Variants in IL1RL2 observed in about 807,000 individuals in gnomAD.
IL1RL2 encodes interleukin 1 receptor like 2.
In IL1RL2, 68 loss-of-function variants were observed where a neutral mutation model predicts 66.8. The observed-to-expected ratio is 1.02, with a 90% CI of 0.84 to 1.25. IL1RL2 has a LOEUF of 1.25. Among genes scored for constraint, IL1RL2 ranks in the 50% most tolerant of loss-of-function variants. The pLI is 0.00. For missense variants in IL1RL2, 729 were observed against 709.3 expected, an observed-to-expected ratio of 1.03 and a Z score of -0.32; for synonymous variants, 305 against 264.6, an observed-to-expected ratio of 1.15 and a Z score of -1.48.
At chr2:102,241,468 G>A (rs1446756906), downstream of IL1RL2, among the ~76,000 whole-genome samples, 3 of 152,284 alleles carry the variant, frequency 2.0e-5, no homozygotes, top group South Asian at 2.1e-4. Flanking sequence ...TGTAAAAAAG[G>A]GATAATACAA....
rs370981707 is a variant in IL1RL2, at chr2:102,239,527, T to C, written c.*286T>C. 21 of 363,332 alleles carry C rather than the reference T, an allele frequency of 5.8e-5. No individual in the cohort carries two copies. The East Asian group carries it at 6.4e-4, about 11-fold the overall frequency. The allele number at this position is 363,332 out of a possible 1,614,324, so 22.5% of individuals were successfully genotyped here. A position where few individuals can be genotyped will look rare whatever the true frequency, so the allele number is the denominator to read the frequency against. Reference sequence around the variant, plus strand: ...GGTCGGGGGAGGCATCCCCAAGTCATGGTGGGTGAGAGCTCGGAGCATCCC... The same window carrying C: ...GGTCGGGGGAGGCATCCCCAAGTCACGGTGGGTGAGAGCTCGGAGCATCCC... On this transcript the variant is annotated 3_prime_UTR_variant, in exon 12 of 12. Coordinates refer to ENST00000264257, the MANE Select transcript of IL1RL2 (RefSeq NM_003854.4).
chr2:102,241,808 G>A (rs111960769), downstream of IL1RL2, among the ~76,000 whole-genome samples: 4 of 152,336 alleles, frequency 2.6e-5, 1 homozygote, highest in African/African-American at 9.6e-5. Context: ...CACCGGCTGG[G>A]TATTTCACGA....
intron 6 of IL1RL2, among the ~76,000 whole-genome samples, chr2:102,217,950 G>T (rs1408829020): frequency 1.3e-5 from 2 of 152,072 alleles, no homozygotes; most frequent in African/African-American, 4.8e-5. Flanking sequence ...AAACCAAAAA[G>T]CTTCTGAACA....
chr2:102,230,267 A>T (rs34039429), intron 9 of IL1RL2, among the ~76,000 whole-genome samples: 1 of 152,208 alleles, frequency 6.6e-6, no homozygotes. Flanking sequence ...CCCATTTTCT[A>T]TCTATGGAAA....
intron 4 of IL1RL2, among the ~76,000 whole-genome samples, chr2:102,194,164 C>A (rs546735059): frequency 6.6e-6 from 1 of 152,258 alleles, no homozygotes; most frequent in South Asian, 2.1e-4. Flanking sequence ...AACCACTTCC[C>A]TGATTTATGC....
chr2:102,207,138 G>T (rs1414519088), intron 5 of IL1RL2, among the ~76,000 whole-genome samples: 1 of 152,026 alleles, frequency 6.6e-6, no homozygotes, highest in Non-Finnish European at 1.5e-5. Flanking sequence ...CACTCTTCAG[G>T]GCACTGGGCT....
intron 9 of IL1RL2, among the ~76,000 whole-genome samples, chr2:102,231,202 C>G (rs1226300783): frequency 6.6e-6 from 1 of 152,208 alleles, no homozygotes; most frequent in Non-Finnish European, 1.5e-5. Context: ...TCCTTCCATG[C>G]CCTTCTGAAG....
chr2:102,234,878 C>T lies in IL1RL2; in HGVS notation c.1298-19C>T, dbSNP rs775826887. The T allele has an allele frequency of 1.1e-5, 17 of 1,602,118 alleles. No homozygotes were observed. The South Asian group carries it at 1.9e-4, about 18-fold the overall frequency. On this transcript the variant is annotated intron_variant, in intron 10 of 11. Transcript: ENST00000264257. Reference sequence around the variant, plus strand: ...GTTTTAATTGTGAGTTCTTCTGAGCCTTCTTTCTTTATTTCCAGCCGTGGC... The same window carrying T: ...GTTTTAATTGTGAGTTCTTCTGAGCTTTCTTTCTTTATTTCCAGCCGTGGC...
At chr2:102,193,273 T>C (rs1346721932) in intron 4 of IL1RL2, among the ~76,000 whole-genome samples, 5 of 152,214 alleles carry the variant, frequency 3.3e-5, no homozygotes, top group Non-Finnish European at 4.4e-5. Context: ...GTGAATGCAT[T>C]CCTTTAAGAT....
chr2:102,232,777 A>G (rs913769790), intron 9 of IL1RL2, among the ~76,000 whole-genome samples, 186 bp from the exon 10 acceptor site: 10 of 152,160 alleles, frequency 6.6e-5, no homozygotes, highest in African/African-American at 2.4e-4. Context: ...CACCTCCCTC[A>G]GGGGTCCATT....
intron 5 of IL1RL2, among the ~76,000 whole-genome samples, chr2:102,203,850 T>C (rs1157063796): frequency 6.6e-6 from 1 of 152,128 alleles, no homozygotes; most frequent in Non-Finnish European, 1.5e-5. Context: ...GTTTCCCTTT[T>C]TAAAGAACCA....
rs1361879574 is a variant in IL1RL2 at position 102,225,905 on chromosome 2, T to A, written c.999T>A (p.Asp333Glu). Residue 333 changes from aspartate to glutamate, a missense_variant, in exon 9 of 12, where the codon GAT (aspartate) becomes GAA (glutamate). Coordinates refer to ENST00000264257, the MANE Select transcript of IL1RL2 (RefSeq NM_003854.4). ...TTTTGCTGTCATTTGTAGCTCCGGA[T>A]TTTCGAGCTTACTTGATAGGAGGGC... is the stretch of plus-strand genomic sequence containing the variant. ...AYIILQLPAP[D>E]FRAYLIGGLI... 2 of 1,579,764 alleles carry A rather than the reference T, an allele frequency of 1.3e-6. No homozygotes were observed. The highest frequency in any genetic ancestry group is 1.7e-6 in the Non-Finnish European group (2 of 1,165,334).
chr2:102,188,652 TAAAC>T lies in IL1RL2; in HGVS notation c.59-421_59-418del, dbSNP rs1403269737. On this transcript the variant is annotated intron_variant, in intron 2 of 11. Transcript: ENST00000264257. ...TAAAAGTGAACCAAATTTTTTTTCT[TAAAC>T]AATCGTTTTGGGATGAAATACCTTT... Among the ~76,000 whole-genome samples, 4 of 152,130 alleles carry T rather than the reference TAAAC, an allele frequency of 2.6e-5. 1 individual carries two copies. Among genetic ancestry groups the T allele is most frequent in the African/African-American group, 4.8e-5 (2 of 41,520 alleles).
chr2:102,187,942 C>T lies in IL1RL2; in HGVS notation c.58+17C>T, dbSNP rs1162408834. 2 of 1,612,674 alleles carry T rather than the reference C, an allele frequency of 1.2e-6. No homozygotes were observed. The highest frequency in any genetic ancestry group is 3.3e-5 in the Admixed American group (2 of 60,022). On this transcript the variant is annotated intron_variant, in intron 2 of 11. Transcript: ENST00000264257. ...TCACAGCAGGTACGTTCCGTGTGTC[C>T]TCCGTTCCCAGAGGCTGCCCGAGTC...
At chr2:102,196,763 G>A (rs150376401) in intron 4 of IL1RL2, among the ~76,000 whole-genome samples, 7 of 152,308 alleles carry the variant, frequency 4.6e-5, no homozygotes, top group African/African-American at 7.2e-5. Flanking sequence ...GTGCAAAGGC[G>A]TTGGGTGAGA....
intron 4 of IL1RL2, among the ~76,000 whole-genome samples, chr2:102,200,148 C>G (rs1287120814): frequency 1.4e-5 from 2 of 145,174 alleles, no homozygotes; most frequent in Non-Finnish European, 3.0e-5. Context: ...AAGTGCTTGT[C>G]TGTATCCTAA....
rs1208045825 is a variant in IL1RL2 at position 102,187,027 on chromosome 2, G to T, written c.-72G>T. 1 of 1,289,746 alleles carries T rather than the reference G, an allele frequency of 7.8e-7. No individual in the cohort carries two copies. Among genetic ancestry groups the T allele is most frequent in the South Asian group, 1.2e-5 (1 of 81,030 alleles). 79.9% of individuals were successfully genotyped at this position (1,289,746 alleles called of 1,614,324 possible). ...GCATGGAAGTGGCATGACAGGGCTC[G>T]TGTCCCTGTCATATTTTCCACTCTC... On this transcript the variant is annotated 5_prime_UTR_variant, in exon 1 of 12. Transcript: ENST00000264257.
intron 9 of IL1RL2, among the ~76,000 whole-genome samples, chr2:102,230,243 G>A (rs897213760): frequency 1.3e-5 from 2 of 152,144 alleles, no homozygotes; most frequent in Non-Finnish European, 2.9e-5. Context: ...AGAAACTTAT[G>A]AAATGTTTCT....
chr2:102,219,834 G>A, intron 7 of IL1RL2, 47 bp from the exon 8 acceptor site: 1 of 1,521,998 alleles, frequency 6.6e-7, no homozygotes, highest in Non-Finnish European at 9.0e-7. Context: ...AAAATATGTT[G>A]GGTAAATCTG....
Sources: allele counts gnomAD v4.1 joint callset (sites outside exome capture counted in the v4.1 genomes callset), GRCh38; gene constraint gnomAD v4.1.1; transcripts MANE v1.5; gene names NCBI Gene and HGNC (gene_info 2026-07-23, HGNC 2026-07-21).